Variants in EXOC6B observed in about 807,000 individuals in gnomAD.
EXOC6B encodes SEC15 homolog B.
A neutral mutation model predicts 113.5 loss-of-function variants in EXOC6B; 54 were observed. That is an observed-to-expected ratio of 0.48 (90% confidence interval 0.38 to 0.60). The LOEUF (loss-of-function observed/expected upper bound fraction) is 0.60, where lower values mean the gene tolerates loss of function less well. Among genes scored for constraint, EXOC6B ranks in the 20% least tolerant of loss-of-function variants. The pLI is 0.00. For synonymous variants in EXOC6B, 357 were observed against 339.0 expected, an observed-to-expected ratio of 1.05 and a Z score of -0.58; for missense variants, 797 against 977.5, an observed-to-expected ratio of 0.82 and a Z score of 2.46.
chr2:72,644,453 C>T lies in EXOC6B; in HGVS notation c.670-68785G>A, dbSNP rs150925615. On this transcript the variant is annotated intron_variant, in intron 6 of 21. Coordinates refer to ENST00000272427, the MANE Select transcript of EXOC6B (RefSeq NM_015189.3). ...ATACAGAGAACACCACAAAGATACT[C>T]CTTGAGAAGAGCAACCCCAAGACAC... Among the ~76,000 whole-genome samples the T allele has an allele frequency of 6.1e-3, 935 of 152,220 alleles. 7 individuals carry two copies. Among genetic ancestry groups the T allele is most frequent in the African/African-American group, 0.021 (857 of 41,528 alleles).
chr2:72,648,275 A>T (rs892691551), intron 6 of EXOC6B, among the ~76,000 whole-genome samples: 1 of 150,548 alleles, frequency 6.6e-6, no homozygotes, highest in Admixed American at 6.6e-5. Context: ...AAAAGTCAGG[A>T]AACAACAGAT....
At chr2:72,726,988 G>C (rs1680337023) in intron 5 of EXOC6B, among the ~76,000 whole-genome samples, 1 of 152,094 alleles carries the variant, frequency 6.6e-6, no homozygotes, top group Admixed American at 6.6e-5. Flanking sequence ...AGTTTTCGGA[G>C]GATGTGTATA....
chr2:72,300,542 G>C (rs574827845), intron 20 of EXOC6B, among the ~76,000 whole-genome samples: 6 of 152,132 alleles, frequency 3.9e-5, no homozygotes, highest in East Asian at 1.9e-4. Context: ...GTTCTGTCTC[G>C]CTAGCGTTCC....
chr2:72,655,231 T>C (rs1379866090), intron 6 of EXOC6B, among the ~76,000 whole-genome samples: 1 of 152,126 alleles, frequency 6.6e-6, no homozygotes, highest in Non-Finnish European at 1.5e-5. Context: ...CTTACTTCAA[T>C]AGATGGGGAA....
rs533692978 is a variant in EXOC6B, at chr2:72,390,605, C to T, written c.1981-10735G>A. ...GATCAGTGTGAAATTTTAAAGTTTA[C>T]TGGTATGCACTTTTATGCAGAGATC... On this transcript the variant is annotated intron_variant, in intron 18 of 21. Transcript: ENST00000272427. Among the ~76,000 whole-genome samples, 361 of 152,276 alleles carry T rather than the reference C, an allele frequency of 2.4e-3. 1 individual carries two copies. The highest frequency in any genetic ancestry group is 8.1e-3 in the African/African-American group (338 of 41,564).
chr2:72,234,723 G>A (rs1178337420), intron 20 of EXOC6B, among the ~76,000 whole-genome samples: 1 of 151,884 alleles, frequency 6.6e-6, no homozygotes, highest in East Asian at 1.9e-4. Context: ...AAACAAACAA[G>A]CCCATTAAAA....
At chr2:72,339,879 A>G (rs1221825500) in intron 19 of EXOC6B, among the ~76,000 whole-genome samples, 1 of 152,164 alleles carries the variant, frequency 6.6e-6, no homozygotes, top group Admixed American at 6.6e-5. Context: ...CAAATATCTA[A>G]CTCTTCATAT....
At chr2:72,822,030 C>G (rs1043975218) in intron 1 of EXOC6B, among the ~76,000 whole-genome samples, 1 of 152,004 alleles carries the variant, frequency 6.6e-6, no homozygotes, top group Admixed American at 6.6e-5. Context: ...AAAACAAAAT[C>G]TTAAACAACA....
chr2:72,575,706 G>A, intron 6 of EXOC6B, 38 bp from the exon 7 acceptor site: 2 of 1,472,080 alleles, frequency 1.4e-6, no homozygotes, highest in South Asian at 3.0e-5. Flanking sequence ...ACACCAAAAA[G>A]GTGGGGTTAG....
chr2:72,746,069 C>T (rs1444832152), intron 1 of EXOC6B, among the ~76,000 whole-genome samples: 1 of 152,008 alleles, frequency 6.6e-6, no homozygotes, highest in East Asian at 1.9e-4. Flanking sequence ...ACCTGTTGGT[C>T]AGAGACTTAT....
chr2:72,273,260 G>T (rs1294694859), intron 20 of EXOC6B, among the ~76,000 whole-genome samples: 1 of 152,066 alleles, frequency 6.6e-6, no homozygotes, highest in East Asian at 1.9e-4. Flanking sequence ...GAAATTATTT[G>T]ACTTCCTTTT....
chr2:72,598,857 G>A (rs989324934), intron 6 of EXOC6B, among the ~76,000 whole-genome samples: 4 of 152,144 alleles, frequency 2.6e-5, no homozygotes, highest in African/African-American at 9.6e-5. Flanking sequence ...TGAAAAATAT[G>A]TAATTTAAAT....
At chr2:72,288,988 GA>G in intron 20 of EXOC6B, 1 of 252,956 alleles carries the variant, frequency 4.0e-6, no homozygotes, top group Non-Finnish European at 7.8e-6. Context: ...CAAAGATCTA[GA>G]AAAATGGCAG....
Position 72,379,893 on chromosome 2 carries a change from A to G in EXOC6B, c.1981-23T>C, listed in dbSNP as rs1403158118. 5 of 1,573,310 alleles carry G rather than the reference A, an allele frequency of 3.2e-6. No homozygotes were observed. In the South Asian group the frequency reaches 5.9e-5, roughly 18 times the overall value. ...TCCCTGAAACACAAGAGTGTAAATC[A>G]TAAAGTTAATGCATCTAACATAAAT... On this transcript the variant is annotated intron_variant, in intron 18 of 21. Transcript: ENST00000272427.
chr2:72,540,928 T>C (rs1215094888), intron 8 of EXOC6B, among the ~76,000 whole-genome samples: 1 of 152,222 alleles, frequency 6.6e-6, no homozygotes, highest in Non-Finnish European at 1.5e-5. Context: ...CGTTGTCTTA[T>C]CTCCTTGGCT....
At chr2:72,701,893 T>C (rs1199061908) in intron 6 of EXOC6B, among the ~76,000 whole-genome samples, 3 of 151,274 alleles carry the variant, frequency 2.0e-5, no homozygotes, top group Admixed American at 6.6e-5. Context: ...AAGGCAATTA[T>C]CTCCCATGAC....
At chr2:72,351,051 G>C (rs1008232634) in intron 19 of EXOC6B, among the ~76,000 whole-genome samples, 1 of 152,046 alleles carries the variant, frequency 6.6e-6, no homozygotes, top group Non-Finnish European at 1.5e-5. Flanking sequence ...ATCCATTGAC[G>C]GGCAGACAGC....
rs948636753 is a variant in EXOC6B, at chr2:72,825,720, C to A, written c.113+78G>T. ...GGCCGGCGCCGGACCTGGGGACAGC[C>A]GGCCGGAGGCCCGACCCAGAGGAGC... On this transcript the variant is annotated intron_variant, in intron 1 of 21. Coordinates refer to ENST00000272427, the MANE Select transcript of EXOC6B (RefSeq NM_015189.3). This position sits in a 1 kb window ranked among gnomAD's most constrained non-coding sequence, Gnocchi z 4.4. 8 of 1,430,712 alleles carry A rather than the reference C, an allele frequency of 5.6e-6. No homozygotes were observed. In the Admixed American group the frequency reaches 1.7e-4, roughly 30 times the overall value. 88.6% of individuals were successfully genotyped at this position (1,430,712 alleles called of 1,614,324 possible). A position where few individuals can be genotyped will look rare whatever the true frequency, so the allele number is the denominator to read the frequency against.
chr2:72,344,551 C>G (rs1475228239), intron 19 of EXOC6B, among the ~76,000 whole-genome samples: 2 of 151,822 alleles, frequency 1.3e-5, no homozygotes, highest in Non-Finnish European at 2.9e-5. Flanking sequence ...AATGTGGCAA[C>G]TTTGGAAAAA....
Sources: gnomAD v4.1 joint callset for allele counts (sites outside exome capture counted in the v4.1 genomes callset) on GRCh38, gnomAD v4.1.1 for gene constraint, Gnocchi (gnomAD v3.1) non-coding constraint, MANE v1.5 for transcripts, NCBI Gene and HGNC (gene_info 2026-07-23, HGNC 2026-07-21) for gene names.